Variants in DEAF1 observed in about 807,000 individuals in gnomAD.
The protein encoded by DEAF1 is deformed epidermal autoregulatory factor 1 homolog.
In DEAF1, 53 loss-of-function variants were observed where a neutral mutation model predicts 58.9. The ratio of observed to expected loss-of-function variants is 0.90; its 90% confidence interval spans 0.72 to 1.13. The LOEUF is 1.13. DEAF1 is among the 50% of genes most tolerant of loss of function. The probability of loss-of-function intolerance (pLI) is 0.00; values close to 1 mark genes in which losing one functional copy is unlikely to be tolerated. For missense variants in DEAF1, 685 were observed against 791.4 expected (o/e 0.87, Z 1.61); for synonymous variants, 385 against 340.4 (o/e 1.13, Z -1.44).
intron 10 of DEAF1, among the ~76,000 whole-genome samples, chr11:673,650 G>A (rs757960764): frequency 6.6e-6 from 1 of 152,140 alleles, no homozygotes; most frequent in Non-Finnish European, 1.5e-5. Flanking sequence ...TACCGTACCC[G>A]AAAAAGCAGC....
At chr11:659,365 C>T (rs566826169) in intron 10 of DEAF1, among the ~76,000 whole-genome samples, 1 of 152,036 alleles carries the variant, frequency 6.6e-6, no homozygotes, top group Non-Finnish European at 1.5e-5. Flanking sequence ...TGCACTCCAG[C>T]CTGGGTGACA....
intron 9 of DEAF1, chr11:678,345 C>T (rs1282863237): frequency 2.8e-6 from 1 of 353,012 alleles, no homozygotes; most frequent in Non-Finnish European, 5.5e-6. Flanking sequence ...TATGCCAGCT[C>T]TGGAGAGACC....
Position 644,781 on chromosome 11 carries a change from TC to T in DEAF1, c.1594-128del. 1.3e-6 allele frequency: 1 copy of T among 751,996 alleles called. No homozygotes were observed. The highest frequency in any genetic ancestry group is 2.3e-6 in the Non-Finnish European group (1 of 432,986). 46.6% of individuals were successfully genotyped at this position (751,996 alleles called of 1,614,324 possible). On this transcript the variant is annotated intron_variant, in intron 11 of 11. Coordinates refer to ENST00000382409, the MANE Select transcript of DEAF1 (RefSeq NM_021008.4). This position sits in a 1 kb window ranked among gnomAD's most constrained non-coding sequence, Gnocchi z 4.3. The stretch of plus-strand genomic sequence containing the variant: ...TCACCTGGAGGTGCTGAGAATGCCC[TC>T]CCCAGCCCCCGTGCGCCCAAACTCT...
rs1858690861 is a variant in DEAF1 at position 650,030 on chromosome 11, A to AAAAC, written c.1593+3928_1593+3931dup. 8.8e-5 allele frequency among the ~76,000 whole-genome samples: 5 copies of AAAAC among 57,110 alleles called. No individual in the cohort carries two copies. In the South Asian group the frequency reaches 3.8e-3, roughly 44 times the overall value. The allele number at this position is 57,110 out of a possible 152,430, so 37.5% of individuals were successfully genotyped here. On this transcript the variant is annotated intron_variant, in intron 11 of 11. Transcript: ENST00000382409. The stretch of plus-strand genomic sequence containing the variant: ...ACAGAGTGAGATTGTCTAAAAAACA[A>AAAAC]AAACAAAAACAAAAACAAAAACAAA...
chr11:666,587 C>T (rs971096358), intron 10 of DEAF1: 2 of 152,200 alleles, frequency 1.3e-5, no homozygotes, highest in Non-Finnish European at 2.9e-5. Flanking sequence ...CACCTGTAGT[C>T]CCAGCTACTC....
At position 672,644 on chromosome 11, in the gene DEAF1, C is replaced by T. The variant is rs1053804183; in HGVS notation, c.1503+1892G>A. On this transcript the variant is annotated intron_variant, in intron 10 of 11. Transcript: ENST00000382409. The stretch of plus-strand genomic sequence containing the variant: ...GGTGAATCACCTGAGGTCAGGGGTT[C>T]AAGACCAGCCTGGCTAACATAGTGA... Among the ~76,000 whole-genome samples the T allele has an allele frequency of 3.3e-5, 5 of 152,162 alleles. No individual in the cohort carries two copies. In the South Asian group the frequency reaches 1.0e-3, roughly 32 times the overall value.
Position 694,952 on chromosome 11 carries a change from CGCGGCCGCGGCCGCCGCCGCCACA to C in DEAF1, c.72_95del (p.Val25_Ala32del), listed in dbSNP as rs752994574. 776 of 1,218,278 alleles carry C rather than the reference CGCGGCCGCGGCCGCCGCCGCCACA, an allele frequency of 6.4e-4. 62 individuals are homozygous for C. The highest frequency in any genetic ancestry group is 1.5e-3 in the South Asian group (49 of 32,442). The allele number at this position is 1,218,278 out of a possible 1,614,324, so 75.5% of individuals were successfully genotyped here. On this transcript the variant is annotated inframe_deletion, in exon 1 of 12. Coordinates refer to ENST00000382409, the MANE Select transcript of DEAF1 (RefSeq NM_021008.4). The stretch of plus-strand genomic sequence containing the variant: ...CCGGCTCCTCCGCCTCGCCTCCTGC[CGCGGCCGCGGCCGCCGCCGCCACA>C]GCGGCCGCGGCCGCCACCGCCGCCG...
intron 1 of DEAF1, chr11:706,380 G>A (rs1861713263): frequency 6.6e-6 from 1 of 152,544 alleles, no homozygotes; most frequent in African/African-American, 2.4e-5. Flanking sequence ...AGGACACCGG[G>A]ACGAACGCGG....
intron 11 of DEAF1, among the ~76,000 whole-genome samples, chr11:647,578 C>G (rs1037521927): frequency 3.9e-5 from 6 of 152,160 alleles, no homozygotes; most frequent in Admixed American, 2.0e-4. Context: ...TGATCCAGGC[C>G]TCACAAATGA....
At chr11:694,695 GGGCAGGCGCGCGGGGTAGGCGCGC>G in intron 1 of DEAF1, 40 bp downstream of exon 1, 2 of 1,271,240 alleles carry the variant, frequency 1.6e-6, no homozygotes, top group Admixed American at 4.3e-5. Context: ...CAGTTGTGCG[GGGCAGGCGCGCGGGGTAGGCGCGC>G]GGGAACCGGA....
intron 1 of DEAF1, chr11:700,555 G>T: frequency 7.8e-6 from 10 of 1,281,372 alleles, no homozygotes; most frequent in African/African-American, 1.5e-5. Flanking sequence ...AAGGCAAGCT[G>T]AGGTGGCTGC....
At chr11:679,952 T>G in intron 7 of DEAF1, 136 bp from the exon 8 acceptor site, 1 of 1,221,308 alleles carries the variant, frequency 8.2e-7, no homozygotes, top group Non-Finnish European at 1.2e-6. Context: ...CCCTCCCATG[T>G]GAAGGACACG....
intron 10 of DEAF1, among the ~76,000 whole-genome samples, chr11:664,368 A>G (rs541066062): frequency 1.3e-5 from 2 of 152,226 alleles, no homozygotes; most frequent in African/African-American, 4.8e-5. Context: ...TGAGAGGAGG[A>G]AGACAGAAAC....
chr11:679,301 C>G (rs12288128), intron 8 of DEAF1, among the ~76,000 whole-genome samples: 2,212 of 134,982 alleles, frequency 0.016, 54 homozygotes, highest in African/African-American at 0.053. Flanking sequence ...GGGGATGGAG[C>G]GAGACTCCAC....
chr11:684,170 C>T (rs1362705620), intron 6 of DEAF1, among the ~76,000 whole-genome samples: 1 of 145,290 alleles, frequency 6.9e-6, no homozygotes, highest in Non-Finnish European at 1.5e-5. Context: ...GTAATCTCAA[C>T]ACTTTGGGAG....
chr11:696,850 C>T (rs185863600), upstream of DEAF1, among the ~76,000 whole-genome samples: 9 of 98,608 alleles, frequency 9.1e-5, no homozygotes, highest in East Asian at 6.2e-4. Flanking sequence ...GAGGCCAAAG[C>T]GGGCGGATCA....
chr11:694,917 C>A lies in DEAF1; in HGVS notation c.131G>T (p.Arg44Met). 1 of 1,421,088 alleles carries A rather than the reference C, an allele frequency of 7.0e-7. No individual in the cohort carries two copies. The highest frequency in any genetic ancestry group is 9.2e-7 in the Non-Finnish European group (1 of 1,084,528). The allele number at this position is 1,421,088 out of a possible 1,614,324, so 88.0% of individuals were successfully genotyped here. ...GGEAEEPVLSRDEDSEEDADS... is the reference protein window; with the variant it reads ...GGEAEEPVLSMDEDSEEDADS... ...TGCGTCCTCCTCCGAGTCCTCGTCC[C>A]TGCTCAGCACCGGCTCCTCCGCCTC... Residue 44 changes from arginine to methionine, a missense_variant, in exon 1 of 12, where the codon AGG (arginine) becomes ATG (methionine). Coordinates refer to ENST00000382409, the MANE Select transcript of DEAF1 (RefSeq NM_021008.4).
At chr11:680,835 G>C in intron 7 of DEAF1, 128 bp downstream of exon 7, 1 of 1,374,764 alleles carries the variant, frequency 7.3e-7, no homozygotes, top group Non-Finnish European at 1.0e-6. Context: ...TGATGGCGTT[G>C]GAATCCCTCT....
chr11:695,722 C>G (rs757801113), upstream of DEAF1: 1 of 1,240,258 alleles, frequency 8.1e-7, no homozygotes, highest in African/African-American at 1.6e-5. Context: ...AAACGCGGCG[C>G]GGTCGGGCCC....
Sources: allele counts gnomAD v4.1 joint callset (sites outside exome capture counted in the v4.1 genomes callset), GRCh38; gene constraint gnomAD v4.1.1; non-coding constraint Gnocchi (gnomAD v3.1); transcripts MANE v1.5; gene names NCBI Gene and HGNC (gene_info 2026-07-23, HGNC 2026-07-21).